The following CARMIL1 variants were observed in gnomAD, a reference collection of about 807,000 sequenced individuals.
CARMIL1 encodes the protein F-actin-uncapping protein LRRC16A.
In CARMIL1, 90 loss-of-function variants were observed where a neutral mutation model predicts 177.1. That is an observed-to-expected ratio of 0.51 (90% CI 0.43 to 0.61). The LOEUF (loss-of-function observed/expected upper bound fraction) is 0.61. Among genes scored for constraint, CARMIL1 ranks in the 20% least tolerant of loss-of-function variants. The pLI is 0.00. For synonymous variants in CARMIL1, 577 were observed against 606.2 expected (o/e 0.95, Z 0.71); for missense variants, 1,380 against 1,667.0 (o/e 0.83, Z 3.00).
At chr6:25,392,785 T>C (rs1194686879) in intron 2 of CARMIL1, among the ~76,000 whole-genome samples, 3 of 152,244 alleles carry the variant, frequency 2.0e-5, no homozygotes, top group Non-Finnish European at 4.4e-5. Context: ...ATAAATGTGT[T>C]ATTTTTATAA....
At chr6:25,420,218 A>G in intron 3 of CARMIL1, 54 bp downstream of exon 3, 1 of 1,523,958 alleles carries the variant, frequency 6.6e-7, no homozygotes, top group Non-Finnish European at 9.1e-7. Flanking sequence ...ATACCCACTC[A>G]TGCATAGTCA....
intron 2 of CARMIL1, among the ~76,000 whole-genome samples, chr6:25,329,326 GCTCTTTTCAGCTTTCTGCCAT>G (rs1350681265): frequency 6.6e-6 from 1 of 152,096 alleles, no homozygotes; most frequent in Admixed American, 6.5e-5. Context: ...GCAGTGGCAA[GCTCTTTTCAGCTTTCTGCCAT>G]CCCGAAAGCA....
rs899841422 is a variant in CARMIL1 at position 25,285,300 on chromosome 6, T to C, written c.138+391T>C. On this transcript the variant is annotated intron_variant, in intron 2 of 36. Transcript: ENST00000329474. ...TTAAAAAGTTCATCTCATGTTGGTT[T>C]AATTACTTAATTAGATTTTCTCAGA... 9.8e-5 allele frequency among the ~76,000 whole-genome samples: 15 copies of C among 152,346 alleles called. No homozygotes were observed. The South Asian group carries it at 1.4e-3, about 15-fold the overall frequency.
intron 2 of CARMIL1, among the ~76,000 whole-genome samples, chr6:25,408,667 T>C (rs1408810560): frequency 1.3e-5 from 2 of 152,062 alleles, no homozygotes; most frequent in Admixed American, 6.5e-5. Flanking sequence ...GGTGGTACAG[T>C]TTCAAAGCCT....
chr6:25,572,023 A>G (rs2151221116), intron 29 of CARMIL1, among the ~76,000 whole-genome samples: 1 of 152,246 alleles, frequency 6.6e-6, no homozygotes, highest in East Asian at 1.9e-4. Flanking sequence ...TTGAATATGG[A>G]CTATAGTGTG....
At chr6:25,463,028 C>T (rs1193124380) in intron 8 of CARMIL1, among the ~76,000 whole-genome samples, 1 of 152,128 alleles carries the variant, frequency 6.6e-6, no homozygotes, top group East Asian at 1.9e-4. Flanking sequence ...CAAACCATGC[C>T]AATATGCTTA....
At chr6:25,355,176 T>C (rs1228913133) in intron 2 of CARMIL1, among the ~76,000 whole-genome samples, 4 of 152,282 alleles carry the variant, frequency 2.6e-5, no homozygotes, top group African/African-American at 7.2e-5. Flanking sequence ...AGAGTCAACA[T>C]AAATATACTA....
At chr6:25,392,164 T>A (rs186864480) in intron 2 of CARMIL1, among the ~76,000 whole-genome samples, 1 of 151,674 alleles carries the variant, frequency 6.6e-6, no homozygotes, top group African/African-American at 2.4e-5. Context: ...CTGGTATATA[T>A]GATACACAAA....
At chr6:25,575,425 A>G (rs558453862) in intron 29 of CARMIL1, among the ~76,000 whole-genome samples, 8 of 152,290 alleles carry the variant, frequency 5.3e-5, no homozygotes, top group Admixed American at 1.3e-4. Context: ...GATAATTGGG[A>G]CAGACTACTT....
intron 2 of CARMIL1, among the ~76,000 whole-genome samples, chr6:25,344,213 G>A (rs530446632): frequency 6.6e-6 from 1 of 152,058 alleles, no homozygotes; most frequent in Admixed American, 6.5e-5. Flanking sequence ...TCTCTCGCAA[G>A]CCTCATGTGG....
chr6:25,439,675 T>C (rs1486175720), intron 5 of CARMIL1, among the ~76,000 whole-genome samples: 1 of 151,950 alleles, frequency 6.6e-6, no homozygotes, highest in African/African-American at 2.4e-5. Flanking sequence ...AGGGGTCTGG[T>C]TGGGAGGGCA....
intron 29 of CARMIL1, among the ~76,000 whole-genome samples, chr6:25,562,064 C>T (rs899678703): frequency 2.6e-5 from 4 of 151,402 alleles, no homozygotes; most frequent in Non-Finnish European, 5.9e-5. Flanking sequence ...CTCAGAGATC[C>T]TTGTTCTGAT....
chr6:25,483,553 T>A (rs1235198071), intron 12 of CARMIL1, among the ~76,000 whole-genome samples: 1 of 152,090 alleles, frequency 6.6e-6, no homozygotes, highest in South Asian at 2.1e-4. Flanking sequence ...ATCATAATTA[T>A]CATCATCCTG....
chr6:25,452,065 G>C (rs1421471310), intron 8 of CARMIL1: 1 of 722,850 alleles, frequency 1.4e-6, no homozygotes, highest in East Asian at 2.6e-5. Flanking sequence ...TTGCAGTGTG[G>C]TCCCTGAAGA....
chr6:25,548,287 T>C lies in CARMIL1; in HGVS notation c.2329-2623T>C, dbSNP rs556894818. ...GGAAGGGGTTGAGGTAGGTAGAGTC[T>C]AGTGAGACTTGCAAATTTCTCACCT... On this transcript the variant is annotated intron_variant, in intron 26 of 36. Transcript: ENST00000329474. Among the ~76,000 whole-genome samples, 8 of 152,328 alleles carry C rather than the reference T, an allele frequency of 5.3e-5. No homozygotes were observed. The East Asian group carries it at 1.3e-3, about 26-fold the overall frequency.
At chr6:25,302,806 G>A (rs547978773) in intron 2 of CARMIL1, among the ~76,000 whole-genome samples, 3 of 152,316 alleles carry the variant, frequency 2.0e-5, no homozygotes, top group African/African-American at 7.2e-5. Context: ...GATGATTAGT[G>A]CAGTCTGGAG....
chr6:25,457,862 C>G (rs978256946), intron 8 of CARMIL1, among the ~76,000 whole-genome samples: 8 of 152,198 alleles, frequency 5.3e-5, no homozygotes, highest in African/African-American at 1.7e-4. Context: ...ACTGCTCTCT[C>G]TATTTGTGCT....
intron 7 of CARMIL1, 58 bp downstream of exon 7, chr6:25,450,467 G>A: frequency 1.4e-6 from 2 of 1,424,378 alleles, no homozygotes; most frequent in Non-Finnish European, 9.8e-7. Flanking sequence ...ATATTCTAAT[G>A]TTTGGCTGGC....
At chr6:25,462,719 G>C (rs1800228686) in intron 8 of CARMIL1, among the ~76,000 whole-genome samples, 1 of 152,154 alleles carries the variant, frequency 6.6e-6, no homozygotes, top group South Asian at 2.1e-4. Context: ...TTGCTGTCCT[G>C]CTGTGCTCTT....
Sources: allele counts gnomAD v4.1 joint callset (sites outside exome capture counted in the v4.1 genomes callset), GRCh38; gene constraint gnomAD v4.1.1; transcripts MANE v1.5; gene names NCBI Gene and HGNC (gene_info 2026-07-23, HGNC 2026-07-21).